The following UBE2QL1 variants were observed in gnomAD, a reference collection of about 807,000 sequenced individuals.
UBE2QL1 encodes the protein ubiquitin conjugating enzyme E2 QL1, also known as ubiquitin-conjugating enzyme E2Q-like protein 1.
Under a neutral mutation model 12.6 loss-of-function variants are expected in UBE2QL1, and 5 were observed. The observed-to-expected ratio is 0.40, with a 90% CI of 0.21 to 0.83. The LOEUF (loss-of-function observed/expected upper bound fraction) is 0.83. Ranked by LOEUF, UBE2QL1 falls within the 40% of genes least tolerant of loss-of-function variation. The pLI, the probability that UBE2QL1 is intolerant of heterozygous loss-of-function variation, is 0.37. For synonymous variants in UBE2QL1, 96 were observed against 94.5 expected (o/e 1.02, Z -0.10); for missense variants, 99 against 222.6 (o/e 0.44, Z 3.53).
At chr5:6,449,269 T>G in intron 1 of UBE2QL1, 22 bp downstream of exon 1, 1 of 1,357,472 alleles carries the variant, frequency 7.4e-7, no homozygotes, top group African/African-American at 1.5e-5. Context: ...GCGCCGGGGC[T>G]GGGGGCGCGG....
At chr5:6,449,326 T>C (rs1739364628) in intron 1 of UBE2QL1, 79 bp downstream of exon 1, 1 of 1,262,720 alleles carries the variant, frequency 7.9e-7, no homozygotes. Flanking sequence ...GGCCCCGTGG[T>C]GAGGGCCAGC....
At chr5:6,490,614 AC>A (rs1734550238) in intron 1 of UBE2QL1, among the ~76,000 whole-genome samples, 2 of 152,228 alleles carry the variant, frequency 1.3e-5, no homozygotes, top group Admixed American at 1.3e-4. Context: ...CCGTCACCTC[AC>A]AAAATGGTGC....
chr5:6,459,509 G>A (rs552364901), intron 1 of UBE2QL1, among the ~76,000 whole-genome samples: 1 of 152,090 alleles, frequency 6.6e-6, no homozygotes, highest in African/African-American at 2.4e-5. Context: ...GCATGGCCTC[G>A]AGGTGTCTGG....
At chr5:6,468,892 G>A (rs770844184) in intron 1 of UBE2QL1, among the ~76,000 whole-genome samples, 54 of 152,320 alleles carry the variant, frequency 3.5e-4, no homozygotes, top group Admixed American at 6.5e-4. Context: ...GTGCATTCTT[G>A]TTTTACTCAG....
rs1579304980 is a variant in UBE2QL1, at chr5:6,491,326, A to G, written c.463A>G (p.Thr155Ala). The G allele has an allele frequency of 6.4e-7, 1 of 1,550,586 alleles. No homozygotes were observed. Among genetic ancestry groups the G allele is most frequent in the Non-Finnish European group, 8.7e-7 (1 of 1,146,694 alleles). The change falls in exon 2 of 2, where the codon ACC becomes GCC. Residue 155 changes from threonine (T) to alanine (A), a missense_variant. Coordinates refer to ENST00000399816, the MANE Select transcript of UBE2QL1 (RefSeq NM_001145161.3). ...VKTHEKYGWVTPPVSDG is the reference protein window; with the variant it reads ...VKTHEKYGWVAPPVSDG Reference sequence around the variant, plus strand: ...GACGCATGAAAAATATGGTTGGGTCACCCCGCCCGTGTCCGACGGCTGATG... The same window carrying G: ...GACGCATGAAAAATATGGTTGGGTCGCCCCGCCCGTGTCCGACGGCTGATG...
At position 6,493,405 on chromosome 5, in the gene UBE2QL1, C is replaced by T. The variant is rs1734614229; in HGVS notation, c.*2056C>T. On this transcript the variant is annotated 3_prime_UTR_variant, in exon 2 of 2. Transcript: ENST00000399816. ...CTTTACTTTAGGGGGAAAAATATAT[C>T]CAAAGGCAGGTCATTTCAGTAGTGT... 6.6e-6 allele frequency: 1 copy of T among 152,158 alleles called. No homozygotes were observed. The highest frequency in any genetic ancestry group is 2.4e-5 in the African/African-American group (1 of 41,426). The allele number at this position is 152,158 out of a possible 1,614,324, so 9.4% of individuals were successfully genotyped here.
chr5:6,475,045 TAAGATAAACAGTG>T (rs1363685250), intron 1 of UBE2QL1, among the ~76,000 whole-genome samples: 48 of 152,350 alleles, frequency 3.2e-4, no homozygotes, highest in African/African-American at 1.1e-3. Context: ...TATTCTATCA[TAAGATAAACAGTG>T]AAGATTTCAA....
rs1413390793 is a variant in UBE2QL1, at chr5:6,496,609, T to G, written c.*5260T>G. On this transcript the variant is annotated 3_prime_UTR_variant, in exon 2 of 2. Coordinates refer to ENST00000399816, the MANE Select transcript of UBE2QL1 (RefSeq NM_001145161.3). ...TCAACAGGAAAGAAATGTTTACCAC[T>G]GGAAGATGGTGAGTGCATGAGTCAA... Among the ~76,000 whole-genome samples, 1 of 152,082 alleles carries G rather than the reference T, an allele frequency of 6.6e-6. No homozygotes were observed. The highest frequency in any genetic ancestry group is 1.5e-5 in the Non-Finnish European group (1 of 68,010).
intron 1 of UBE2QL1, among the ~76,000 whole-genome samples, chr5:6,460,950 A>G (rs961164688): frequency 6.6e-6 from 1 of 152,218 alleles, no homozygotes; most frequent in Non-Finnish European, 1.5e-5. Context: ...TAAAATTTGT[A>G]AAAAGCTGTG....
At chr5:6,473,486 A>G (rs1377770427) in intron 1 of UBE2QL1, among the ~76,000 whole-genome samples, 1 of 152,122 alleles carries the variant, frequency 6.6e-6, no homozygotes, top group East Asian at 1.9e-4. Context: ...TCTGCTCACC[A>G]CCCACTGGCC....
intron 1 of UBE2QL1, among the ~76,000 whole-genome samples, chr5:6,486,520 A>T (rs1364460329): frequency 6.6e-6 from 1 of 152,192 alleles, no homozygotes; most frequent in Non-Finnish European, 1.5e-5. Flanking sequence ...TTCTGAACAC[A>T]CAAATCACTG....
intron 1 of UBE2QL1, among the ~76,000 whole-genome samples, chr5:6,456,513 C>CGGT (rs1347128945): frequency 2.0e-5 from 3 of 152,208 alleles, no homozygotes; most frequent in Non-Finnish European, 4.4e-5. Flanking sequence ...GAAATGTTTC[C>CGGT]AGTAATGTCT....
intron 1 of UBE2QL1, among the ~76,000 whole-genome samples, chr5:6,477,436 C>T (rs574363453): frequency 6.4e-4 from 98 of 152,294 alleles, no homozygotes; most frequent in African/African-American, 2.2e-3. Flanking sequence ...GGAGATCAGC[C>T]TGCTGAGGAT....
intron 1 of UBE2QL1, among the ~76,000 whole-genome samples, chr5:6,469,712 T>G (rs1021107557): frequency 3.3e-5 from 5 of 152,008 alleles, no homozygotes; most frequent in African/African-American, 1.2e-4. Flanking sequence ...CACCCCTGAC[T>G]TTCACAATGT....
At chr5:6,487,718 C>T (rs148512518) in intron 1 of UBE2QL1, among the ~76,000 whole-genome samples, 45 of 152,348 alleles carry the variant, frequency 3.0e-4, no homozygotes, top group African/African-American at 1.0e-3. Flanking sequence ...TCAGTATTTT[C>T]AAATGCATTA....
Position 6,476,060 on chromosome 5 carries a change from CA to C in UBE2QL1, c.355-15157del, listed in dbSNP as rs1734225209. 6.6e-6 allele frequency among the ~76,000 whole-genome samples: 1 copy of C among 152,140 alleles called. No individual in the cohort carries two copies. The highest frequency in any genetic ancestry group is 6.5e-5 in the Admixed American group (1 of 15,280). On this transcript the variant is annotated intron_variant, in intron 1 of 1. Transcript: ENST00000399816. The surrounding 1 kb of genome is among the most constrained non-coding windows in gnomAD (Gnocchi z 4.9). ...TCACACCCACTGAAATGGCTCAGAA[CA>C]CTTTCAGGACTTCAAAATCAGGGTG...
chr5:6,469,979 G>A (rs1042844363), intron 1 of UBE2QL1, among the ~76,000 whole-genome samples: 2 of 152,150 alleles, frequency 1.3e-5, no homozygotes, highest in Non-Finnish European at 2.9e-5. Context: ...GGTGCCGGGC[G>A]GGACCCTGCA....
chr5:6,470,323 G>A (rs932576708), intron 1 of UBE2QL1, among the ~76,000 whole-genome samples: 15 of 152,164 alleles, frequency 9.9e-5, no homozygotes, highest in African/African-American at 3.6e-4. Context: ...AAGAGGCCAG[G>A]AAAAGCGTGG....
intron 1 of UBE2QL1, among the ~76,000 whole-genome samples, chr5:6,472,724 A>C (rs1026463911): frequency 6.6e-6 from 1 of 152,008 alleles, no homozygotes; most frequent in Non-Finnish European, 1.5e-5. Context: ...TTTCTCCCCA[A>C]ATTTTCTTTA....
Sources: allele counts gnomAD v4.1 joint callset (sites outside exome capture counted in the v4.1 genomes callset), GRCh38; gene constraint gnomAD v4.1.1; non-coding constraint Gnocchi (gnomAD v3.1); transcripts MANE v1.5; gene names NCBI Gene and HGNC (gene_info 2026-07-23, HGNC 2026-07-21).